Variants in KLHL2 observed in about 807,000 individuals in gnomAD.
The protein encoded by KLHL2 is kelch like family member 2.
Under a neutral mutation model 75.8 loss-of-function variants are expected in KLHL2, and 15 were observed. The ratio of observed to expected loss-of-function variants is 0.20; its 90% CI spans 0.13 to 0.30. The LOEUF is 0.30. KLHL2 is among the 10% of genes least tolerant of loss of function. The pLI is 1.00. For synonymous variants in KLHL2, 214 were observed against 251.9 expected, an observed-to-expected ratio of 0.85 and a Z score of 1.42; for missense variants, 381 against 741.0, an observed-to-expected ratio of 0.51 and a Z score of 5.64.
rs139941562 is a variant in KLHL2, at chr4:165,318,047, G to A, written c.1753+78G>A. On this transcript the variant is annotated intron_variant, in intron 14 of 14. Transcript: ENST00000226725. ...AATGTTATATTAACGAAGTTTTTCT[G>A]TTATAAGAATAAAGTCTTTTCTCAA... 2,008 of 1,326,596 alleles carry A rather than the reference G, an allele frequency of 1.5e-3. 15 individuals are homozygous for A. The African/African-American group carries it at 0.018, about 12-fold the overall frequency. The allele number at this position is 1,326,596 out of a possible 1,614,324, so 82.2% of individuals were successfully genotyped here.
chr4:165,305,648 G>A lies in KLHL2; in HGVS notation c.962G>A (p.Arg321Gln), dbSNP rs1745672372. The A allele has an allele frequency of 6.2e-7, 1 of 1,614,088 alleles. No individual in the cohort carries two copies. The highest frequency in any genetic ancestry group is 8.5e-7 in the Non-Finnish European group (1 of 1,179,998). ...GGGGGCCAAGCACCAAAGGCTATCC[G>A]GAGTGTGGAATGCTATGACTTTAAA... Reference protein sequence around the residue: ...VVGGQAPKAIRSVECYDFKEE... With the variant: ...VVGGQAPKAIQSVECYDFKEE... The change falls in exon 9 of 15, where the codon CGG (arginine) becomes CAG (glutamine). Residue 321 changes from arginine (R) to glutamine (Q), a missense_variant. This residue lies in a region of KLHL2 where 168 missense variants were observed against 370.4 expected (regional missense o/e 0.45). Coordinates refer to ENST00000226725, the MANE Select transcript of KLHL2 (RefSeq NM_007246.4).
At chr4:165,293,670 A>ATTTTTT (rs35736944) in intron 5 of KLHL2, among the ~76,000 whole-genome samples, 10 of 125,976 alleles carry the variant, frequency 7.9e-5, no homozygotes, top group Non-Finnish European at 1.1e-4. Context: ...TGCCTGGCTA[A>ATTTTTT]TTTTTTTTTT....
chr4:165,264,289 G>A (rs1741961246), intron 5 of KLHL2, among the ~76,000 whole-genome samples: 1 of 151,020 alleles, frequency 6.6e-6, no homozygotes, highest in African/African-American at 2.4e-5. Flanking sequence ...GTATAGTCAC[G>A]AGGTCTGGGA....
At chr4:165,220,458 G>T (rs1437163662) in intron 2 of KLHL2, among the ~76,000 whole-genome samples, 1 of 152,060 alleles carries the variant, frequency 6.6e-6, no homozygotes, top group Non-Finnish European at 1.5e-5. Flanking sequence ...GGTGACTCAT[G>T]CCTATAATCC....
At chr4:165,283,950 C>T (rs963166232) in intron 5 of KLHL2, among the ~76,000 whole-genome samples, 6 of 152,218 alleles carry the variant, frequency 3.9e-5, no homozygotes, top group African/African-American at 1.4e-4. Context: ...GAGGCTTGCA[C>T]CCTTGGAGGC....
chr4:165,253,178 G>A (rs925531841), intron 4 of KLHL2, among the ~76,000 whole-genome samples: 1 of 152,072 alleles, frequency 6.6e-6, no homozygotes, highest in African/African-American at 2.4e-5. Context: ...GGGATTACAG[G>A]CACCCACCAC....
At chr4:165,274,614 A>C (rs1742936823) in intron 5 of KLHL2, among the ~76,000 whole-genome samples, 1 of 151,952 alleles carries the variant, frequency 6.6e-6, no homozygotes, top group Non-Finnish European at 1.5e-5. Flanking sequence ...GTCTCAAAAA[A>C]AAAAAAAAAA....
rs1429967940 is a variant in KLHL2, at chr4:165,322,252, CT to C, written c.*193del. ...GGTAGAAGCACCGTGTAGGCTTTTT[CT>C]GCAATGAGCAGCAGCTGACTGAATT... On this transcript the variant is annotated 3_prime_UTR_variant, in exon 15 of 15. Transcript: ENST00000226725. The C allele has an allele frequency of 1.8e-6, 1 of 571,266 alleles. No individual in the cohort carries two copies. The highest frequency in any genetic ancestry group is 3.1e-6 in the Non-Finnish European group (1 of 322,480). 35.4% of individuals were successfully genotyped at this position (571,266 alleles called of 1,614,324 possible).
chr4:165,278,474 T>C (rs771886676), intron 5 of KLHL2: 22 of 1,579,936 alleles, frequency 1.4e-5, no homozygotes, highest in Non-Finnish European at 1.9e-5. Context: ...AAAAGCAATA[T>C]GGCATTTATT....
At chr4:165,209,914 G>A in intron 1 of KLHL2, 1 of 955,864 alleles carries the variant, frequency 1.0e-6, no homozygotes, top group Non-Finnish European at 1.5e-6. Flanking sequence ...GCCACCCCTT[G>A]GCCTGTTTGC....
chr4:165,237,282 T>A (rs3914261), intron 3 of KLHL2, among the ~76,000 whole-genome samples: 3 of 151,388 alleles, frequency 2.0e-5, no homozygotes, highest in Non-Finnish European at 4.4e-5. Context: ...TCCTTTTTCC[T>A]CCTTTCTGTA....
At chr4:165,306,991 TAC>T (rs1472936931) in intron 9 of KLHL2, among the ~76,000 whole-genome samples, 8 of 152,154 alleles carry the variant, frequency 5.3e-5, no homozygotes, top group Non-Finnish European at 1.2e-4. Context: ...AGTGTGTGTA[TAC>T]ACACACAAAC....
At chr4:165,307,508 T>C (rs1273414364) in intron 9 of KLHL2, among the ~76,000 whole-genome samples, 1 of 152,222 alleles carries the variant, frequency 6.6e-6, no homozygotes, top group Non-Finnish European at 1.5e-5. Context: ...ATATTTACCA[T>C]TTTTCCATTG....
At chr4:165,295,608 A>G (rs1744847474) in intron 6 of KLHL2, among the ~76,000 whole-genome samples, 1 of 152,168 alleles carries the variant, frequency 6.6e-6, no homozygotes, top group African/African-American at 2.4e-5. Flanking sequence ...TTTTCCAGGA[A>G]TGGGATAGGT....
At chr4:165,221,521 C>G (rs1411681609) in intron 2 of KLHL2, among the ~76,000 whole-genome samples, 1 of 152,174 alleles carries the variant, frequency 6.6e-6, no homozygotes, top group African/African-American at 2.4e-5. Context: ...GCGGTGGAAT[C>G]ACACAGGAGA....
intron 1 of KLHL2, among the ~76,000 whole-genome samples, chr4:165,217,944 C>T (rs557473865): frequency 6.6e-6 from 1 of 152,304 alleles, no homozygotes; most frequent in African/African-American, 2.4e-5. Context: ...TGAACAGAAA[C>T]TCAGTCCTTT....
intron 4 of KLHL2, among the ~76,000 whole-genome samples, chr4:165,248,419 C>T (rs1260115331): frequency 6.6e-6 from 1 of 151,924 alleles, no homozygotes; most frequent in Non-Finnish European, 1.5e-5. Flanking sequence ...CGAAGTTGGC[C>T]AAGTAAAAAA....
chr4:165,248,864 A>C (rs144572421), intron 4 of KLHL2, among the ~76,000 whole-genome samples: 124 of 152,356 alleles, frequency 8.1e-4, no homozygotes, highest in African/African-American at 2.8e-3. Context: ...GAAAAGTTTC[A>C]TGAACAGTAG....
At chr4:165,308,338 A>G (rs1403046345) in intron 9 of KLHL2, among the ~76,000 whole-genome samples, 1 of 152,176 alleles carries the variant, frequency 6.6e-6, no homozygotes, top group Non-Finnish European at 1.5e-5. Flanking sequence ...CATTTGACTC[A>G]TTTTATTGCA....
Sources: allele counts gnomAD v4.1 joint callset (sites outside exome capture counted in the v4.1 genomes callset), GRCh38; gene constraint gnomAD v4.1.1; regional missense constraint gnomAD v4.1.1; transcripts MANE v1.5; gene names NCBI Gene and HGNC (gene_info 2026-07-23, HGNC 2026-07-21).